Variants in DCDC1 observed in about 807,000 individuals in gnomAD.
DCDC1 encodes doublecortin domain containing 1.
A neutral mutation model predicts 178.3 loss-of-function variants in DCDC1; 200 were observed. The observed-to-expected ratio is 1.12, with a 90% CI of 1.00 to 1.26. The LOEUF is 1.26. Ranked by LOEUF, DCDC1 falls within the 50% of genes most tolerant of loss-of-function variation. The pLI, the probability that DCDC1 is intolerant of heterozygous loss-of-function variation, is 0.00. For synonymous variants in DCDC1, 690 were observed against 604.8 expected, an observed-to-expected ratio of 1.14 and a Z score of -2.07; for missense variants, 1,983 against 1,749.2, an observed-to-expected ratio of 1.13 and a Z score of -2.38.
intron 36 of DCDC1, among the ~76,000 whole-genome samples, chr11:30,888,130 G>GAA (rs1565030185): frequency 1.7e-4 from 22 of 129,910 alleles, no homozygotes; most frequent in Admixed American, 9.6e-4. Context: ...AAGAAAGAAA[G>GAA]AAAGAAAGAA....
intron 21 of DCDC1, among the ~76,000 whole-genome samples, chr11:30,945,697 A>AATCTACCT (rs1947980695): frequency 6.8e-6 from 1 of 146,630 alleles, no homozygotes; most frequent in African/African-American, 2.5e-5. Flanking sequence ...CCATCTCAAA[A>AATCTACCT]ATCTATCTAT....
chr11:31,284,140 T>G (rs1380714574), intron 7 of DCDC1, among the ~76,000 whole-genome samples: 2 of 152,170 alleles, frequency 1.3e-5, no homozygotes, highest in African/African-American at 2.4e-5. Flanking sequence ...GTCCAGTTTT[T>G]CAGTTGTATA....
rs182159651 is a variant in DCDC1 at position 30,923,813 on chromosome 11, C to T, written c.2998-1175G>A. Among the ~76,000 whole-genome samples, 195 of 151,942 alleles carry T rather than the reference C, an allele frequency of 1.3e-3. 1 individual carries two copies. The highest frequency in any genetic ancestry group is 6.8e-3 in the Middle Eastern group (2 of 292). On this transcript the variant is annotated intron_variant, in intron 23 of 38. Coordinates refer to ENST00000684477, the MANE Select transcript of DCDC1 (RefSeq NM_001387274.1). ...TTGTATTCTAGTAGAGGCAGGGTTTCGCCACGTTGCTCAGGGTAGTCTTGA... is the reference window on the plus strand; with the variant it reads ...TTGTATTCTAGTAGAGGCAGGGTTTTGCCACGTTGCTCAGGGTAGTCTTGA...
At chr11:31,062,699 A>G (rs1459612835) in intron 20 of DCDC1, among the ~76,000 whole-genome samples, 1 of 152,104 alleles carries the variant, frequency 6.6e-6, no homozygotes. Context: ...CACTTTTGCT[A>G]TCTATCAGAA....
intron 20 of DCDC1, among the ~76,000 whole-genome samples, chr11:30,979,735 C>T (rs574933274): frequency 1.3e-5 from 2 of 152,260 alleles, no homozygotes; most frequent in East Asian, 3.9e-4. Context: ...CATAAAGAGC[C>T]TTAAATGCCC....
chr11:30,884,292 A>G (rs1331909635), intron 36 of DCDC1, among the ~76,000 whole-genome samples: 2 of 152,022 alleles, frequency 1.3e-5, no homozygotes, highest in Admixed American at 1.3e-4. Context: ...CAGCCTCCCA[A>G]AGTGTTGAGA....
chr11:31,273,214 C>T (rs943629828), intron 7 of DCDC1, among the ~76,000 whole-genome samples: 116 of 152,162 alleles, frequency 7.6e-4, no homozygotes, highest in Non-Finnish European at 1.0e-4. Context: ...ATTTCTGCAG[C>T]CAGCTTGAAT....
intron 9 of DCDC1, among the ~76,000 whole-genome samples, chr11:31,223,558 G>C: frequency 6.6e-6 from 1 of 152,090 alleles, no homozygotes; most frequent in East Asian, 1.9e-4. Context: ...ACAAATATTT[G>C]TAGGAGCATT....
At position 30,891,990 on chromosome 11, in the gene DCDC1, T is replaced by C. The variant is rs529042140; in HGVS notation, c.5082+828A>G. Among the ~76,000 whole-genome samples, 12 of 152,244 alleles carry C rather than the reference T, an allele frequency of 7.9e-5. No individual in the cohort carries two copies. The East Asian group carries it at 2.1e-3, about 27-fold the overall frequency. The stretch of plus-strand genomic sequence containing the variant: ...AGCCAGTCTATTATAGTATCTTGCC[T>C]TTCCACACCCCCCACCACCAACAAC... On this transcript the variant is annotated intron_variant, in intron 36 of 38. Transcript: ENST00000684477.
rs539137800 is a variant in DCDC1, at chr11:30,931,780, C to T, written c.2888G>A (p.Arg963Gln). 130 of 1,607,396 alleles carry T rather than the reference C, an allele frequency of 8.1e-5. 1 individual carries two copies. In the South Asian group the frequency reaches 1.0e-3, roughly 13 times the overall value. The change falls in exon 22 of 39, where the codon CGG becomes CAG. Residue 963 changes from arginine to glutamine, a missense_variant. Transcript: ENST00000684477. Reference sequence around the variant, plus strand: ...AACAAGTTGTTCTTACTGCGTTTTCCGTCCAGGTGAGATATCTGGACCAAG... The same window carrying T: ...AACAAGTTGTTCTTACTGCGTTTTCTGTCCAGGTGAGATATCTGGACCAAG... ...TILGPDISPG[R>Q]KTQCTEILNL...
rs970026767 is a variant in DCDC1, at chr11:30,864,215, A to G, written c.*1158T>C. ...GCTATATAAACCAAATCAACTTGAGAACTGCTTCATGATTGCCTGTCGAAG... is the reference window on the plus strand; with the variant it reads ...GCTATATAAACCAAATCAACTTGAGGACTGCTTCATGATTGCCTGTCGAAG... On this transcript the variant is annotated 3_prime_UTR_variant, in exon 39 of 39. Transcript: ENST00000684477. 6.6e-5 allele frequency: 10 copies of G among 152,242 alleles called. No individual in the cohort carries two copies. Among genetic ancestry groups the G allele is most frequent in the Admixed American group, 6.5e-4 (10 of 15,282 alleles). 9.4% of individuals were successfully genotyped at this position (152,242 alleles called of 1,614,324 possible).
intron 20 of DCDC1, among the ~76,000 whole-genome samples, chr11:31,014,622 C>G (rs1952371779): frequency 6.6e-6 from 1 of 152,152 alleles, no homozygotes; most frequent in African/African-American, 2.4e-5. Flanking sequence ...TTATTCAAAA[C>G]CAGCTTAAAA....
chr11:30,879,766 C>T (rs1256615257), intron 37 of DCDC1, among the ~76,000 whole-genome samples: 2 of 152,088 alleles, frequency 1.3e-5, no homozygotes, highest in Non-Finnish European at 2.9e-5. Context: ...TGTTGACAAG[C>T]TTGTTTCTGG....
chr11:30,974,113 A>G (rs566949849), intron 20 of DCDC1, among the ~76,000 whole-genome samples: 2 of 152,270 alleles, frequency 1.3e-5, no homozygotes, highest in South Asian at 4.1e-4. Flanking sequence ...ATACATAGAA[A>G]TTAAACATTC....
At chr11:30,916,344 G>C (rs555529240) in intron 26 of DCDC1, among the ~76,000 whole-genome samples, 2 of 152,330 alleles carry the variant, frequency 1.3e-5, no homozygotes, top group South Asian at 4.1e-4. Context: ...AGTGCTAAAT[G>C]TTGAAGTGTC....
chr11:30,941,372 T>C lies in DCDC1; in HGVS notation c.2716-9420A>G, dbSNP rs147784364. 1.8e-3 allele frequency among the ~76,000 whole-genome samples: 274 copies of C among 152,294 alleles called. 1 individual carries two copies. The highest frequency in any genetic ancestry group is 6.3e-3 in the African/African-American group (263 of 41,578). On this transcript the variant is annotated intron_variant, in intron 21 of 38. Transcript: ENST00000684477. ...TTATAATGACATGGAAGGCCCTGCA[T>C]GATCAGTACCTCCTATTTTCTCTCT... is the stretch of plus-strand genomic sequence containing the variant.
In DCDC1 at chr11:30,920,784, A is replaced by G; in HGVS notation, c.3285T>C (p.Ser1095=). The G allele has an allele frequency of 1.2e-6, 2 of 1,613,480 alleles. No homozygotes were observed. The highest frequency in any genetic ancestry group is 1.1e-5 in the South Asian group (1 of 90,976). The change falls in exon 25 of 39, where the codon AGT becomes AGC. Residue 1095 remains serine, a synonymous_variant. Transcript: ENST00000684477. ...CTACACTGATTACTTACAGAATTTC[A>G]CTGGAAGCATTTTCCGTTGTTAGAG... ...EDPLTTENAS[S]EILDSHVRAH...
chr11:30,869,857 G>C (rs2133913312), intron 38 of DCDC1, among the ~76,000 whole-genome samples: 1 of 152,158 alleles, frequency 6.6e-6, no homozygotes, highest in Non-Finnish European at 1.5e-5. Context: ...GCATTTTGAT[G>C]GCAACAGAGG....
chr11:30,952,570 T>A lies in DCDC1; in HGVS notation c.2592-2A>T, dbSNP rs1473962564. On this transcript the variant is annotated splice_acceptor_variant, in intron 20 of 38. Coordinates refer to ENST00000684477, the MANE Select transcript of DCDC1 (RefSeq NM_001387274.1). LOFTEE classifies it high-confidence loss of function. ...GTTCCTTCATGTTTTATGGCCCACC[T>A]AAAACAAAAGATAAAAAACAAAAAG... 1 of 1,253,720 alleles carries A rather than the reference T, an allele frequency of 8.0e-7. No individual in the cohort carries two copies. Among genetic ancestry groups the A allele is most frequent in the Non-Finnish European group, 1.1e-6 (1 of 892,150 alleles). 77.7% of individuals were successfully genotyped at this position (1,253,720 alleles called of 1,614,324 possible).
Sources: allele counts gnomAD v4.1 joint callset (sites outside exome capture counted in the v4.1 genomes callset), GRCh38; gene constraint gnomAD v4.1.1; transcripts MANE v1.5; gene names NCBI Gene and HGNC (gene_info 2026-07-23, HGNC 2026-07-21).